The following SYNRG variants were observed in gnomAD, a reference collection of about 807,000 sequenced individuals.
SYNRG encodes the protein AP1 gamma subunit binding protein 1.
Under a neutral mutation model 130.9 loss-of-function variants are expected in SYNRG, and 37 were observed. That is an observed-to-expected ratio of 0.28 (90% CI 0.22 to 0.37). The LOEUF (loss-of-function observed/expected upper bound fraction) is 0.37, where lower values mean the gene tolerates loss of function less well. Among genes scored for constraint, SYNRG ranks in the 10% least tolerant of loss-of-function variants. The probability of loss-of-function intolerance (pLI) is 1.00; values close to 1 mark genes in which losing one functional copy is unlikely to be tolerated. For synonymous variants in SYNRG, 539 were observed against 568.1 expected, an observed-to-expected ratio of 0.95 and a Z score of 0.73; for missense variants, 1,338 against 1,588.9, an observed-to-expected ratio of 0.84 and a Z score of 2.68.
chr17:37,536,318 C>T, intron 18 of SYNRG, 191 bp from the exon 19 acceptor site: 1 of 686,920 alleles, frequency 1.5e-6, no homozygotes, highest in Non-Finnish European at 2.3e-6. Flanking sequence ...AGCATAGAAG[C>T]TGCACTGCTT....
intron 19 of SYNRG, among the ~76,000 whole-genome samples, chr17:37,533,392 CTCTG>C (rs1021633853): frequency 1.3e-5 from 2 of 149,434 alleles, no homozygotes; most frequent in Non-Finnish European, 3.0e-5. Flanking sequence ...CAGAGTGAGA[CTCTG>C]TCTGGGGAAA....
At chr17:37,577,787 C>T (rs551722382) in intron 6 of SYNRG, among the ~76,000 whole-genome samples, 174 bp from the exon 7 acceptor site, 1 of 149,634 alleles carries the variant, frequency 6.7e-6, no homozygotes, top group African/African-American at 2.5e-5. Flanking sequence ...CAACCTCTGC[C>T]TCCCAGGTTC....
At chr17:37,535,837 C>T in intron 19 of SYNRG, 142 bp downstream of exon 19, 1 of 1,149,874 alleles carries the variant, frequency 8.7e-7, no homozygotes, top group Non-Finnish European at 1.3e-6. Flanking sequence ...GACCACACAC[C>T]TGTGATCTCC....
rs1012602184 is a variant in SYNRG, at chr17:37,561,196, T to C, written c.1662A>G (p.Leu554=). ...ELEQTAENKP[L]GESFAEFRSA... Reference sequence around the variant, plus strand: ...CCTTTTGAGGACTCAAAAACTTACCTAAAGGTTTATTCTCTGCTGTCTGTT... The same window carrying C: ...CCTTTTGAGGACTCAAAAACTTACCCAAAGGTTTATTCTCTGCTGTCTGTT... Residue 554 remains leucine, a splice_region_variant and synonymous_variant, in exon 13 of 22, where the codon TTA becomes TTG. Coordinates refer to ENST00000612223, the MANE Select transcript of SYNRG (RefSeq NM_007247.6). The C allele has an allele frequency of 2.5e-6, 4 of 1,612,204 alleles. No individual in the cohort carries two copies. The African/African-American group carries it at 5.3e-5, about 22-fold the overall frequency.
At chr17:37,593,169 T>C (rs2062359555) in intron 3 of SYNRG, among the ~76,000 whole-genome samples, 1 of 152,140 alleles carries the variant, frequency 6.6e-6, no homozygotes, top group Non-Finnish European at 1.5e-5. Flanking sequence ...TCCCAGCCCT[T>C]TGAGAGGCCA....
chr17:37,583,955 C>A (rs2061514052), intron 6 of SYNRG, among the ~76,000 whole-genome samples: 1 of 152,188 alleles, frequency 6.6e-6, no homozygotes, highest in Non-Finnish European at 1.5e-5. Context: ...CTCGGCCTCC[C>A]AAAGTGCTGG....
intron 19 of SYNRG, 120 bp downstream of exon 19, chr17:37,535,859 T>G: frequency 7.4e-7 from 1 of 1,347,512 alleles, no homozygotes. Flanking sequence ...TCCTTTAATA[T>G]AACATGCTCC....
At chr17:37,535,527 T>TTC (rs1373362573) in intron 19 of SYNRG, among the ~76,000 whole-genome samples, 1 of 152,174 alleles carries the variant, frequency 6.6e-6, no homozygotes, top group African/African-American at 2.4e-5. Flanking sequence ...GATTTGTCTA[T>TTC]TCAGAGAACT....
rs2057835922 is a variant in SYNRG at position 37,542,333 on chromosome 17, T to C, written c.2841A>G (p.Val947=). 1.9e-6 allele frequency: 3 copies of C among 1,614,112 alleles called. No individual in the cohort carries two copies. The highest frequency in any genetic ancestry group is 1.7e-5 in the Admixed American group (1 of 59,996). The part of the protein sequence containing the change: ...ENITMTSLSK[V]TTFVSEDALP... ...GAGCATCTTCACTTACAAAGGTCGT[T>C]ACTTTGGAGAGAGATGTCATGGTGA... The change falls in exon 15 of 22, where the codon GTA becomes GTG. Residue 947 remains valine (V), a synonymous_variant. Transcript: ENST00000612223.
chr17:37,584,131 C>G (rs1364979819), intron 6 of SYNRG, among the ~76,000 whole-genome samples: 1 of 152,152 alleles, frequency 6.6e-6, no homozygotes, highest in African/African-American at 2.4e-5. Flanking sequence ...AGGGACGTTT[C>G]TTTTTGCTTA....
intron 2 of SYNRG, 143 bp downstream of exon 2, chr17:37,600,220 T>C (rs1213175882): frequency 1.4e-5 from 9 of 642,706 alleles, no homozygotes; most frequent in Non-Finnish European, 2.1e-5. Flanking sequence ...GTAGCTGTCA[T>C]ATAGGACATA....
chr17:37,540,902 G>A (rs139460901), intron 15 of SYNRG: 4 of 1,009,564 alleles, frequency 4.0e-6, no homozygotes, highest in Non-Finnish European at 4.7e-6. Flanking sequence ...CCAAAGCGTT[G>A]AGATTACAGG....
At position 37,570,723 on chromosome 17, in the gene SYNRG, C is replaced by G; in HGVS notation, c.1261G>C (p.Val421Leu). Residue 421 changes from valine (V) to leucine (L), a missense_variant, in exon 10 of 22, where the codon GTC becomes CTC. Physicochemically the swap from Val to Leu is conservative, Grantham distance 32. This residue lies in a region of SYNRG where 1,146 missense variants were observed against 1,342.3 expected (regional missense o/e 0.85). Transcript: ENST00000612223. The part of the protein sequence containing the change: ...GSMPLSLGQP[V>L]MGINLVGPVG... The stretch of plus-strand genomic sequence containing the variant: ...GGTCCAACAAGGTTAATGCCCATGA[C>G]TGGCTGTCCAAGGCTGAGGGGCATG... 1 of 1,614,246 alleles carries G rather than the reference C, an allele frequency of 6.2e-7. No individual in the cohort carries two copies. Among genetic ancestry groups the G allele is most frequent in the South Asian group, 1.1e-5 (1 of 91,088 alleles).
Position 37,561,553 on chromosome 17 carries a change from T to A in SYNRG, c.1518A>T (p.Lys506Asn). ...CATATTTGTCCATTGAAGGCAATGC[T>A]TTAGTTCCAGGAAGTGGCATCAACA... ...PSLLMPLPGT[K>N]ALPSMDKYAV... The change falls in exon 12 of 22, where the codon AAA becomes AAT. Residue 506 changes from lysine (K) to asparagine (N), a missense_variant. Physicochemically the swap from Lys to Asn is moderately conservative, Grantham distance 94. Coordinates refer to ENST00000612223, the MANE Select transcript of SYNRG (RefSeq NM_007247.6). 6.2e-7 allele frequency: 1 copy of A among 1,613,514 alleles called. No individual in the cohort carries two copies. The highest frequency in any genetic ancestry group is 8.5e-7 in the Non-Finnish European group (1 of 1,179,574).
chr17:37,532,140 C>T (rs1039191606), intron 19 of SYNRG, among the ~76,000 whole-genome samples: 1 of 152,204 alleles, frequency 6.6e-6, no homozygotes, highest in African/African-American at 2.4e-5. Context: ...ATTCATTCAA[C>T]GTTTACTGAG....
intron 7 of SYNRG, among the ~76,000 whole-genome samples, chr17:37,577,057 C>T (rs546381658): frequency 4.0e-4 from 61 of 152,056 alleles, no homozygotes; most frequent in Non-Finnish European, 7.8e-4. Context: ...ACTTTTCAAC[C>T]TTTATGGAAG....
rs2062488752 is a variant in SYNRG, at chr17:37,594,200, TTAATTA to T, written c.240+2017_240+2022del. On this transcript the variant is annotated intron_variant, in intron 3 of 21. Transcript: ENST00000612223. ...TACAATATTAATTATTTTAATTATA[TTAATTA>T]CAATATTAATTATTTTAATTATATT... Among the ~76,000 whole-genome samples, 201 of 109,016 alleles carry T rather than the reference TTAATTA, an allele frequency of 1.8e-3. 9 individuals carry two copies. The East Asian group carries it at 0.079, about 43-fold the overall frequency. 71.5% of individuals were successfully genotyped at this position (109,016 alleles called of 152,430 possible). A position where few individuals can be genotyped will look rare whatever the true frequency, so the allele number is the denominator to read the frequency against.
At position 37,541,055 on chromosome 17, in the gene SYNRG, C is replaced by T. The variant is rs921037449; in HGVS notation, c.3203-512G>A. The T allele has an allele frequency of 2.0e-5, 20 of 985,646 alleles. No individual in the cohort carries two copies. The East Asian group carries it at 3.4e-4, about 17-fold the overall frequency. The allele number at this position is 985,646 out of a possible 1,614,324, so 61.1% of individuals were successfully genotyped here. A position where few individuals can be genotyped will look rare whatever the true frequency, so the allele number is the denominator to read the frequency against. ...TGTTCTCTCTTGCACGGTTTCCCTG[C>T]GTTTCGTTTTCAACATGACTCTTCT... On this transcript the variant is annotated intron_variant, in intron 15 of 21. Coordinates refer to ENST00000612223, the MANE Select transcript of SYNRG (RefSeq NM_007247.6).
At chr17:37,553,074 T>C (rs1325708571) in intron 14 of SYNRG, 41 bp downstream of exon 14, 2 of 1,573,438 alleles carry the variant, frequency 1.3e-6, no homozygotes, top group East Asian at 4.5e-5. Context: ...ATCTTTGAAA[T>C]CTACAACACC....
Sources: gnomAD v4.1 joint callset for allele counts (sites outside exome capture counted in the v4.1 genomes callset) on GRCh38, gnomAD v4.1.1 for gene constraint, gnomAD v4.1.1 regional missense constraint, MANE v1.5 for transcripts, NCBI Gene and HGNC (gene_info 2026-07-23, HGNC 2026-07-21) for gene names.